CFAP36: variants seen among roughly 807,000 people sequenced by gnomAD.
CFAP36 encodes the protein cilia- and flagella-associated protein 36.
A neutral mutation model predicts 50.5 loss-of-function variants in CFAP36; 37 were observed. The observed-to-expected ratio is 0.73, with a 90% CI of 0.56 to 0.96. CFAP36 has a LOEUF of 0.96. Among genes scored for constraint, CFAP36 ranks in the 50% least tolerant of loss-of-function variants. CFAP36 has a pLI of 0.00. For synonymous variants in CFAP36, 138 were observed against 128.2 expected, an observed-to-expected ratio of 1.08 and a Z score of -0.52; for missense variants, 407 against 396.2, an observed-to-expected ratio of 1.03 and a Z score of -0.23.
chr2:55,519,732 T>G lies in CFAP36; in HGVS notation c.-70T>G, dbSNP rs1432751667. ...TCCCCTACTCCCTCTCGGCTCCTTG[T>G]GGCCCAAAGGCCTAACCGGGGTCCG... On this transcript the variant is annotated 5_prime_UTR_variant, in exon 1 of 10. Transcript: ENST00000349456. The G allele has an allele frequency of 7.3e-6, 11 of 1,496,812 alleles. No homozygotes were observed. The highest frequency in any genetic ancestry group is 9.3e-6 in the Non-Finnish European group (10 of 1,076,880). 92.7% of individuals were successfully genotyped at this position (1,496,812 alleles called of 1,614,324 possible).
chr2:55,533,865 T>A lies in CFAP36; in HGVS notation c.398-8T>A, dbSNP rs200741867. The A allele has an allele frequency of 6.3e-7, 1 of 1,580,158 alleles. No individual in the cohort carries two copies. Among genetic ancestry groups the A allele is most frequent in the East Asian group, 2.2e-5 (1 of 44,484 alleles). ...ATACTATTTCATGTGGTCTTTGGTT[T>A]TGAACAGGTGTATTACCTGACTGCT... is the stretch of plus-strand genomic sequence containing the variant. On this transcript the variant is annotated splice_polypyrimidine_tract_variant and splice_region_variant and intron_variant, in intron 4 of 9. Coordinates refer to ENST00000349456, the MANE Select transcript of CFAP36 (RefSeq NM_080667.7).
At chr2:55,528,287 G>C (rs1684262089) in intron 3 of CFAP36, among the ~76,000 whole-genome samples, 1 of 151,234 alleles carries the variant, frequency 6.6e-6, no homozygotes, top group Non-Finnish European at 1.5e-5. Flanking sequence ...CATCTTTCTT[G>C]TTCTGAGGTC....
chr2:55,544,035 T>G lies in CFAP36; in HGVS notation c.738T>G (p.Ile246Met). 6.2e-7 allele frequency: 1 copy of G among 1,614,024 alleles called. No individual in the cohort carries two copies. Among genetic ancestry groups the G allele is most frequent in the Non-Finnish European group, 8.5e-7 (1 of 1,179,950 alleles). The change falls in exon 8 of 10, where the codon ATT becomes ATG. Residue 246 changes from isoleucine to methionine, a missense_variant. Ile to Met is a conservative substitution (Grantham distance 10). Coordinates refer to ENST00000349456, the MANE Select transcript of CFAP36 (RefSeq NM_080667.7). ...TSSLPQKDLK[I>M]PGLEHASIEG... ...CCCTCCCACAAAAAGACCTGAAGAT[T>G]CCTGGCTTAGAGCATGCGAGCATTG...
rs777731203 is a variant in CFAP36, at chr2:55,523,787, T to G, written c.247T>G (p.Cys83Gly). 1 of 1,610,272 alleles carries G rather than the reference T, an allele frequency of 6.2e-7. No individual in the cohort carries two copies. Among genetic ancestry groups the G allele is most frequent in the South Asian group, 1.1e-5 (1 of 90,352 alleles). Residue 83 changes from cysteine (C) to glycine (G), a missense_variant, in exon 3 of 10, where the codon TGC (cysteine) becomes GGC (glycine). By Grantham distance (159) the Cys-to-Gly change is radical. Coordinates refer to ENST00000349456, the MANE Select transcript of CFAP36 (RefSeq NM_080667.7). ...GINEDQFQEA[C>G]TSPLAKTHTS... ...TAATGAAGATCAATTTCAAGAAGCATGCACTTCTCCTCTTGCAAAGACCCA... is the reference window on the plus strand; with the variant it reads ...TAATGAAGATCAATTTCAAGAAGCAGGCACTTCTCCTCTTGCAAAGACCCA...
chr2:55,527,386 C>G (rs925996636), intron 3 of CFAP36, among the ~76,000 whole-genome samples: 1 of 151,426 alleles, frequency 6.6e-6, no homozygotes, highest in East Asian at 1.9e-4. Flanking sequence ...AGTTCGAGAC[C>G]AGCCTGGCCA....
In CFAP36 at chr2:55,534,063, T is replaced by C. The variant is rs569783631; in HGVS notation, c.485+103T>C. On this transcript the variant is annotated intron_variant, in intron 5 of 9. Coordinates refer to ENST00000349456, the MANE Select transcript of CFAP36 (RefSeq NM_080667.7). ...ATATGAACTAATAAAATTGCTAAAT[T>C]CTCTACTGAAAACCATCAAAATGAT... 761 of 557,196 alleles carry C rather than the reference T, an allele frequency of 1.4e-3. 5 individuals carry two copies. The highest frequency in any genetic ancestry group is 4.6e-3 in the Middle Eastern group (12 of 2,586). 34.5% of individuals were successfully genotyped at this position (557,196 alleles called of 1,614,324 possible). A position where few individuals can be genotyped will look rare whatever the true frequency, so the allele number is the denominator to read the frequency against.
At chr2:55,531,558 G>A (rs771326940) in intron 4 of CFAP36, among the ~76,000 whole-genome samples, 5 of 152,150 alleles carry the variant, frequency 3.3e-5, no homozygotes, top group Admixed American at 6.5e-5. Flanking sequence ...CAAGGACCCC[G>A]ACACTTTGCA....
chr2:55,535,735 AG>A lies in CFAP36; in HGVS notation c.511del (p.Glu171LysfsTer27), dbSNP rs1243903913. On this transcript the variant is annotated frameshift_variant, in exon 6 of 10. Coordinates refer to ENST00000349456, the MANE Select transcript of CFAP36 (RefSeq NM_080667.7). LOFTEE classifies it high-confidence loss of function. ...VLRKSKEEYD[Q>X]EEERKRKKQL... is the part of the protein sequence containing the mutation. Reference sequence around the variant, plus strand: ...AGAAAATCAAAAGAGGAATATGACCAGGAAGAAGAAAGGAAGAGGAAAAAAC... The same window carrying A: ...AGAAAATCAAAAGAGGAATATGACCAGAAGAAGAAAGGAAGAGGAAAAAAC... The A allele has an allele frequency of 6.5e-7, 1 of 1,544,832 alleles. No individual in the cohort carries two copies. The highest frequency in any genetic ancestry group is 2.4e-5 in the Admixed American group (1 of 40,970).
At chr2:55,530,048 G>A (rs771670969) in intron 4 of CFAP36, among the ~76,000 whole-genome samples, 1 of 152,142 alleles carries the variant, frequency 6.6e-6, no homozygotes, top group Admixed American at 6.5e-5. Context: ...ACAATGATAT[G>A]GTTTGGCTGT....
intron 5 of CFAP36, among the ~76,000 whole-genome samples, chr2:55,535,409 G>A (rs896555016): frequency 7.2e-5 from 11 of 152,192 alleles, no homozygotes; most frequent in Non-Finnish European, 1.5e-4. Flanking sequence ...AATGGGATTT[G>A]CCATTCAAAT....
intron 4 of CFAP36, among the ~76,000 whole-genome samples, chr2:55,530,276 C>T (rs1003781080): frequency 7.9e-5 from 12 of 152,166 alleles, no homozygotes; most frequent in Admixed American, 3.3e-4. Flanking sequence ...GTTTGTCTTC[C>T]GCCATGATTG....
In CFAP36 at chr2:55,535,812, T is replaced by C. The variant is rs188664296; in HGVS notation, c.537+49T>C. 153 of 1,534,572 alleles carry C rather than the reference T, an allele frequency of 1.0e-4. No individual in the cohort carries two copies. The East Asian group carries it at 3.5e-3, about 35-fold the overall frequency. The stretch of plus-strand genomic sequence containing the variant: ...AGTATTTTATTGCTGTTATCTCTTA[T>C]TAAGTTTACACCTAGATCTTACTAT... On this transcript the variant is annotated intron_variant, in intron 6 of 9. Coordinates refer to ENST00000349456, the MANE Select transcript of CFAP36 (RefSeq NM_080667.7).
intron 4 of CFAP36, among the ~76,000 whole-genome samples, chr2:55,529,834 G>T (rs1239047303): frequency 2.0e-5 from 3 of 151,964 alleles, no homozygotes; most frequent in African/African-American, 7.3e-5. Context: ...TTTTAGTAGA[G>T]ATGGGGTTTC....
intron 1 of CFAP36, among the ~76,000 whole-genome samples, chr2:55,521,044 C>T (rs1684049070): frequency 6.6e-6 from 1 of 152,174 alleles, no homozygotes; most frequent in Non-Finnish European, 1.5e-5. Flanking sequence ...TCCAAGATAT[C>T]ATGAATCTGG....
intron 2 of CFAP36, 124 bp from the exon 3 acceptor site, chr2:55,523,597 T>G (rs1373209919): frequency 1.7e-5 from 9 of 542,614 alleles, no homozygotes; most frequent in Admixed American, 1.3e-4. Context: ...GTCACTGTCA[T>G]GTAATATGTA....
At chr2:55,525,838 G>A (rs930016612) in intron 3 of CFAP36, among the ~76,000 whole-genome samples, 1 of 152,132 alleles carries the variant, frequency 6.6e-6, no homozygotes, top group African/African-American at 2.4e-5. Context: ...CACTATGTTG[G>A]CCAAGCTGGA....
chr2:55,520,259 G>A, intron 1 of CFAP36: 4 of 703,702 alleles, frequency 5.7e-6, no homozygotes, highest in Non-Finnish European at 9.3e-6. Context: ...CCCTCGGCAG[G>A]TGGACTGTTT....
intron 9 of CFAP36, among the ~76,000 whole-genome samples, 161 bp downstream of exon 9, chr2:55,544,530 T>C (rs1684723443): frequency 6.6e-6 from 1 of 152,132 alleles, no homozygotes; most frequent in Non-Finnish European, 1.5e-5. Context: ...GGAAGTGAAA[T>C]TGTTGTGATA....
intron 2 of CFAP36, among the ~76,000 whole-genome samples, chr2:55,522,761 C>T (rs543796532): frequency 1.0e-3 from 152 of 152,174 alleles, no homozygotes; most frequent in African/African-American, 2.7e-3. Flanking sequence ...GTTGGGTTTA[C>T]AGGTGTGAGC....
Sources: gnomAD v4.1 joint callset for allele counts (sites outside exome capture counted in the v4.1 genomes callset) on GRCh38, gnomAD v4.1.1 for gene constraint, MANE v1.5 for transcripts, NCBI Gene and HGNC (gene_info 2026-07-23, HGNC 2026-07-21) for gene names.